The following HMGCLL1 variants were observed in gnomAD, a reference collection of about 807,000 sequenced individuals.
HMGCLL1 encodes 3-hydroxymethyl-3-methylglutaryl-CoA lyase, cytoplasmic.
HMGCLL1 carries 36 observed loss-of-function variants against 39.1 expected under a neutral mutation model. The ratio of observed to expected loss-of-function variants is 0.92; its 90% CI spans 0.71 to 1.22. HMGCLL1 has a LOEUF of 1.22. Ranked by LOEUF, HMGCLL1 falls within the 50% of genes most tolerant of loss-of-function variation. The pLI is 0.00. For synonymous variants in HMGCLL1, 149 were observed against 144.0 expected, an observed-to-expected ratio of 1.03 and a Z score of -0.25; for missense variants, 451 against 416.5, an observed-to-expected ratio of 1.08 and a Z score of -0.72.
the HMGCLL1 span, among the ~76,000 whole-genome samples, chr6:55,640,758 T>C: frequency 6.6e-6 from 1 of 151,514 alleles, no homozygotes; most frequent in East Asian, 1.9e-4. Context: ...ACAAAATTTG[T>C]ATTTTATGTA....
Position 55,505,092 on chromosome 6 carries a change from A to G in HMGCLL1, c.543-5793T>C, listed in dbSNP as rs115156169. Among the ~76,000 whole-genome samples the G allele has an allele frequency of 3.2e-3, 489 of 151,746 alleles. 5 individuals are homozygous for G. The highest frequency in any genetic ancestry group is 0.011 in the African/African-American group (473 of 41,508). On this transcript the variant is annotated intron_variant, in intron 5 of 8. Transcript: ENST00000274901. ...TTGTGCTTGTTGAGGTCATTTTTTA[A>G]TAGTCTGTAAAAACATGATATAAAA...
At chr6:55,471,582 T>C (rs1765047859) in intron 7 of HMGCLL1, among the ~76,000 whole-genome samples, 1 of 151,736 alleles carries the variant, frequency 6.6e-6, no homozygotes, top group Admixed American at 6.6e-5. Context: ...ACATTTAAAT[T>C]TGCATTTTTC....
In HMGCLL1 at chr6:55,458,440, A is replaced by G. The variant is rs373957955; in HGVS notation, c.796-18881T>C. Reference sequence around the variant, plus strand: ...GGGTTAATAAAAATCACTCTCCCAAAAGTTTTATTCTGATGAAGGAGTATT... The same window carrying G: ...GGGTTAATAAAAATCACTCTCCCAAGAGTTTTATTCTGATGAAGGAGTATT... On this transcript the variant is annotated intron_variant, in intron 7 of 8. Coordinates refer to ENST00000274901, the MANE Select transcript of HMGCLL1 (RefSeq NM_001042406.2). 2.6e-5 allele frequency among the ~76,000 whole-genome samples: 4 copies of G among 152,272 alleles called. No homozygotes were observed. The East Asian group carries it at 5.8e-4, about 22-fold the overall frequency.
chr6:55,499,820 C>T (rs1766781667), intron 5 of HMGCLL1, among the ~76,000 whole-genome samples: 1 of 151,928 alleles, frequency 6.6e-6, no homozygotes, highest in African/African-American at 2.4e-5. Context: ...CTCTCTCTCT[C>T]ATGGGTTTAC....
chr6:55,573,675 T>C (rs1210479140), intron 1 of HMGCLL1, among the ~76,000 whole-genome samples: 3 of 151,960 alleles, frequency 2.0e-5, no homozygotes, highest in South Asian at 2.1e-4. Flanking sequence ...AAAAAATGAA[T>C]GTAAGAAACA....
chr6:55,541,648 A>G (rs1769439393), intron 3 of HMGCLL1, 81 bp downstream of exon 3: 1 of 697,194 alleles, frequency 1.4e-6, no homozygotes, highest in Admixed American at 2.6e-5. Context: ...TAATTATATC[A>G]AGTTAATATC....
In HMGCLL1 at chr6:55,542,131, G is replaced by T; in HGVS notation, c.118C>A (p.Gln40Lys). 1 of 1,604,650 alleles carries T rather than the reference G, an allele frequency of 6.2e-7. No individual in the cohort carries two copies. The highest frequency in any genetic ancestry group is 8.5e-7 in the Non-Finnish European group (1 of 1,173,462). ...GALDPAQETSQLSGLPEFVKI... is the reference protein window; with the variant it reads ...GALDPAQETSKLSGLPEFVKI... ...ACAAACTCAGGGAGTCCAGATAACT[G>T]GGATGTTTCCTGAAATGCAAAATGT... Residue 40 changes from glutamine (Q) to lysine (K), a missense_variant, in exon 2 of 9, where the codon CAG becomes AAG. Physicochemically the swap from Gln to Lys is moderately conservative, Grantham distance 53. Transcript: ENST00000274901.
At chr6:55,614,961 C>A in the HMGCLL1 span, among the ~76,000 whole-genome samples, 1 of 151,884 alleles carries the variant, frequency 6.6e-6, no homozygotes, top group African/African-American at 2.4e-5. Context: ...AGCAGTATAA[C>A]AAGACCCCAT....
chr6:55,502,558 G>T (rs2127428814), intron 5 of HMGCLL1, among the ~76,000 whole-genome samples: 1 of 151,578 alleles, frequency 6.6e-6, no homozygotes, highest in South Asian at 2.1e-4. Flanking sequence ...AATCTTAATT[G>T]CAGGCTAAGC....
the HMGCLL1 span, among the ~76,000 whole-genome samples, chr6:55,628,111 TA>T: frequency 5.6e-3 from 5 of 890 alleles, no homozygotes; most frequent in Admixed American, 0.018. Context: ...ATACTATATA[TA>T]ATATATAAAA....
intron 7 of HMGCLL1, among the ~76,000 whole-genome samples, chr6:55,458,989 A>C (rs1213695418): frequency 6.6e-6 from 1 of 152,166 alleles, no homozygotes; most frequent in Admixed American, 6.5e-5. Flanking sequence ...CCTGTATTTT[A>C]TAACAGAAGA....
chr6:55,469,280 T>G (rs7769137), intron 7 of HMGCLL1, among the ~76,000 whole-genome samples: 32,784 of 150,006 alleles, frequency 0.22, 4,771 homozygotes, highest in African/African-American at 0.42. Flanking sequence ...GGAAGTACAA[T>G]TTTTTTTGCT....
the HMGCLL1 span, among the ~76,000 whole-genome samples, chr6:55,604,463 T>C: frequency 6.6e-6 from 1 of 152,162 alleles, no homozygotes; most frequent in Non-Finnish European, 1.5e-5. Context: ...TCTAGCTTTA[T>C]ATATTGTAAC....
the HMGCLL1 span, among the ~76,000 whole-genome samples, chr6:55,626,716 T>C: frequency 2.6e-5 from 4 of 151,994 alleles, no homozygotes; most frequent in African/African-American, 7.2e-5. Context: ...GACAGGAACA[T>C]TGCCATGAGG....
intron 3 of HMGCLL1, among the ~76,000 whole-genome samples, chr6:55,537,815 A>G (rs1451390710): frequency 2.6e-5 from 4 of 152,204 alleles, no homozygotes; most frequent in African/African-American, 9.7e-5. Flanking sequence ...ATGTGGGGGA[A>G]TTCAGGCACT....
At chr6:55,525,040 G>A (rs1347883743) in intron 3 of HMGCLL1, among the ~76,000 whole-genome samples, 2 of 151,496 alleles carry the variant, frequency 1.3e-5, no homozygotes, top group Non-Finnish European at 2.9e-5. Flanking sequence ...AGTAAAAATT[G>A]AGGAATAGTA....
At chr6:55,553,685 T>C (rs1346728499) in intron 1 of HMGCLL1, among the ~76,000 whole-genome samples, 1 of 152,210 alleles carries the variant, frequency 6.6e-6, no homozygotes, top group South Asian at 2.1e-4. Flanking sequence ...TCAATGTTTG[T>C]TGCTTCCCTT....
chr6:55,458,720 G>C (rs1024030138), intron 7 of HMGCLL1, among the ~76,000 whole-genome samples: 1 of 152,130 alleles, frequency 6.6e-6, no homozygotes, highest in African/African-American at 2.4e-5. Context: ...TATCATTAGT[G>C]AATCACATTG....
At chr6:55,535,341 A>T (rs1297484742) in intron 3 of HMGCLL1, among the ~76,000 whole-genome samples, 3 of 152,248 alleles carry the variant, frequency 2.0e-5, no homozygotes, top group African/African-American at 7.2e-5. Context: ...AAAAGACAAG[A>T]ATATGAAGAC....
Sources: gnomAD v4.1 joint callset for allele counts (sites outside exome capture counted in the v4.1 genomes callset) on GRCh38, gnomAD v4.1.1 for gene constraint, MANE v1.5 for transcripts, NCBI Gene and HGNC (gene_info 2026-07-23, HGNC 2026-07-21) for gene names.